Variants in MYO1E observed in about 807,000 individuals in gnomAD.
MYO1E encodes the protein myosin IE.
A neutral mutation model predicts 151.1 loss-of-function variants in MYO1E; 68 were observed. The ratio of observed to expected loss-of-function variants is 0.45; its 90% CI spans 0.37 to 0.55. The LOEUF is 0.55. MYO1E is among the 20% of genes least tolerant of loss of function. The probability of loss-of-function intolerance (pLI) is 0.00; values close to 1 mark genes in which losing one functional copy is unlikely to be tolerated. For missense variants in MYO1E, 1,363 were observed against 1,389.3 expected (o/e 0.98, Z 0.30); for synonymous variants, 601 against 501.7 (o/e 1.20, Z -2.64).
chr15:59,178,322 C>T, intron 19 of MYO1E, 71 bp downstream of exon 19: 1 of 1,574,434 alleles, frequency 6.4e-7, no homozygotes, highest in Non-Finnish European at 8.7e-7. Context: ...AAGAAGCCAG[C>T]TGAGGGGTGG....
intron 1 of MYO1E, among the ~76,000 whole-genome samples, chr15:59,321,551 G>A (rs541656064): frequency 1.3e-5 from 2 of 152,160 alleles, no homozygotes; most frequent in South Asian, 2.1e-4. Context: ...TGAAACTGGG[G>A]GCTATTATCA....
intron 25 of MYO1E, among the ~76,000 whole-genome samples, chr15:59,155,072 G>C (rs1596344499): frequency 6.6e-6 from 1 of 152,074 alleles, no homozygotes; most frequent in East Asian, 1.9e-4. Flanking sequence ...GAGGGTAGAA[G>C]GACCCTGCTT....
chr15:59,145,066 C>T (rs1334362392), intron 26 of MYO1E, among the ~76,000 whole-genome samples: 1 of 152,188 alleles, frequency 6.6e-6, no homozygotes, highest in African/African-American at 2.4e-5. Flanking sequence ...TGGTCTTGAA[C>T]TCCTGACCTC....
intron 18 of MYO1E, among the ~76,000 whole-genome samples, chr15:59,182,918 A>G (rs574703457): frequency 6.6e-6 from 1 of 152,320 alleles, no homozygotes; most frequent in South Asian, 2.1e-4. Flanking sequence ...AAACTGTTCC[A>G]CCTCAGGTCA....
intron 22 of MYO1E, chr15:59,171,148 T>C (rs1213047000): frequency 1.9e-5 from 3 of 156,020 alleles, no homozygotes; most frequent in Admixed American, 6.5e-5. Flanking sequence ...GTTCTTACCA[T>C]GGGAGGACTT....
chr15:59,212,880 A>C (rs1566980602), intron 12 of MYO1E: 1 of 152,206 alleles, frequency 6.6e-6, no homozygotes. Flanking sequence ...CAGAGACTGG[A>C]GTCAAACTGC....
chr15:59,364,397 T>A (rs2080901753), intron 1 of MYO1E, among the ~76,000 whole-genome samples: 1 of 152,138 alleles, frequency 6.6e-6, no homozygotes, highest in Non-Finnish European at 1.5e-5. Flanking sequence ...ACCACAGCGG[T>A]TCTAGTGGGT....
chr15:59,139,050 C>G lies in MYO1E; in HGVS notation c.3081-683G>C, dbSNP rs559411795. Reference sequence around the variant, plus strand: ...TTCTCCAGGGCACTGTGGATGGTCACTTGGGATGGTTCCAGTTTTCACTAT... The same window carrying G: ...TTCTCCAGGGCACTGTGGATGGTCAGTTGGGATGGTTCCAGTTTTCACTAT... On this transcript the variant is annotated intron_variant, in intron 26 of 27. Coordinates refer to ENST00000288235, the MANE Select transcript of MYO1E (RefSeq NM_004998.4). Among the ~76,000 whole-genome samples the G allele has an allele frequency of 5.3e-5, 8 of 152,208 alleles. 1 individual carries two copies. In the South Asian group the frequency reaches 1.2e-3, roughly 24 times the overall value.
chr15:59,320,040 G>A (rs1302582519), intron 1 of MYO1E, among the ~76,000 whole-genome samples: 1 of 152,138 alleles, frequency 6.6e-6, no homozygotes. Flanking sequence ...TGACATTCAA[G>A]TTGTGAGCCA....
At chr15:59,138,780 C>T (rs543520478) in intron 26 of MYO1E, among the ~76,000 whole-genome samples, 4 of 152,138 alleles carry the variant, frequency 2.6e-5, no homozygotes, top group Non-Finnish European at 5.9e-5. Context: ...TGCATTCCCC[C>T]CAGATTACCA....
intron 26 of MYO1E, among the ~76,000 whole-genome samples, chr15:59,146,521 G>T (rs753780766): frequency 5.9e-5 from 9 of 151,868 alleles, no homozygotes; most frequent in Non-Finnish European, 1.2e-4. Flanking sequence ...TCACATGTTG[G>T]TCAGCCTGGT....
chr15:59,275,290 C>A (rs536697246), intron 1 of MYO1E, among the ~76,000 whole-genome samples: 1 of 152,162 alleles, frequency 6.6e-6, no homozygotes, highest in Non-Finnish European at 1.5e-5. Context: ...TTCATGACCA[C>A]CTCCTCTTAG....
chr15:59,282,796 C>A (rs111848079), intron 1 of MYO1E, among the ~76,000 whole-genome samples: 1 of 142,580 alleles, frequency 7.0e-6, no homozygotes, highest in African/African-American at 2.6e-5. Flanking sequence ...TGCAGTGAGC[C>A]GTGACTGCGT....
chr15:59,291,711 A>AG (rs1335346909), intron 1 of MYO1E, among the ~76,000 whole-genome samples: 1 of 67,010 alleles, frequency 1.5e-5, no homozygotes, highest in African/African-American at 6.6e-5. Flanking sequence ...AAAAAAAAAA[A>AG]AGAGAGAGAG....
chr15:59,207,522 T>C (rs762913697), intron 14 of MYO1E: 31 of 1,613,944 alleles, frequency 1.9e-5, no homozygotes, highest in South Asian at 1.3e-4. Context: ...TCTTAACTTA[T>C]GTAGCTTGGA....
chr15:59,298,545 C>T (rs2080464654), intron 1 of MYO1E, among the ~76,000 whole-genome samples: 1 of 152,218 alleles, frequency 6.6e-6, no homozygotes, highest in Admixed American at 6.5e-5. Flanking sequence ...ATATGCAAAG[C>T]TGCTATGTGT....
chr15:59,244,041 T>C (rs2080115376), intron 4 of MYO1E, among the ~76,000 whole-genome samples: 1 of 152,174 alleles, frequency 6.6e-6, no homozygotes, highest in Non-Finnish European at 1.5e-5. Flanking sequence ...ATGCCATGGC[T>C]AATGGTATAA....
chr15:59,208,645 A>G, intron 14 of MYO1E, 36 bp downstream of exon 14: 1 of 1,613,060 alleles, frequency 6.2e-7, no homozygotes, highest in Non-Finnish European at 8.5e-7. Context: ...CCAAAGGCTT[A>G]AAACAGATAG....
At chr15:59,212,255 T>C (rs1228331602) in intron 12 of MYO1E, among the ~76,000 whole-genome samples, 1 of 151,678 alleles carries the variant, frequency 6.6e-6, no homozygotes, top group Non-Finnish European at 1.5e-5. Context: ...GGGCTAGACG[T>C]GGTAGGGACT....
Sources: allele counts gnomAD v4.1 joint callset (sites outside exome capture counted in the v4.1 genomes callset), GRCh38; gene constraint gnomAD v4.1.1; transcripts MANE v1.5; gene names NCBI Gene and HGNC (gene_info 2026-07-23, HGNC 2026-07-21).